The following LRRC49 variants were observed in gnomAD, a reference collection of about 807,000 sequenced individuals.
LRRC49 encodes the protein leucine rich repeat containing 49, also known as leucine-rich repeat-containing protein 49.
A neutral mutation model predicts 83.3 loss-of-function variants in LRRC49; 50 were observed. The observed-to-expected ratio is 0.60, with a 90% CI of 0.48 to 0.76. LRRC49 has a LOEUF of 0.76. LRRC49 is among the 30% of genes least tolerant of loss of function. LRRC49 has a pLI of 0.00. For missense variants in LRRC49, 704 were observed against 809.1 expected, an observed-to-expected ratio of 0.87 and a Z score of 1.58; for synonymous variants, 286 against 283.3, an observed-to-expected ratio of 1.01 and a Z score of -0.10.
intron 1 of LRRC49, among the ~76,000 whole-genome samples, chr15:70,857,015 G>A (rs1414069998): frequency 1.3e-5 from 2 of 152,168 alleles, no homozygotes; most frequent in Non-Finnish European, 2.9e-5. Flanking sequence ...GAGATGATTA[G>A]CAAAGCCTCT....
intron 15 of LRRC49, among the ~76,000 whole-genome samples, chr15:71,039,331 G>T (rs994430980): frequency 3.3e-5 from 5 of 152,138 alleles, no homozygotes; most frequent in African/African-American, 9.7e-5. Flanking sequence ...GTTGCCAAAA[G>T]AAGAAAATGA....
At chr15:71,038,682 G>A (rs539030218) in intron 15 of LRRC49, among the ~76,000 whole-genome samples, 5 of 152,178 alleles carry the variant, frequency 3.3e-5, no homozygotes, top group African/African-American at 1.2e-4. Context: ...AACTCTAAAC[G>A]TGAAGAAATT....
intron 11 of LRRC49, among the ~76,000 whole-genome samples, chr15:71,007,180 A>G (rs145020682): frequency 6.6e-6 from 1 of 152,156 alleles, no homozygotes; most frequent in East Asian, 1.9e-4. Flanking sequence ...TGAAATAAGT[A>G]TGATAAACAA....
intron 9 of LRRC49, among the ~76,000 whole-genome samples, chr15:70,969,675 TCTC>T (rs1316235700): frequency 1.3e-5 from 2 of 152,140 alleles, no homozygotes; most frequent in Non-Finnish European, 2.9e-5. Context: ...GGTTTTTAGT[TCTC>T]CTTGAAGAGG....
chr15:70,873,209 G>C (rs1228888806), exon 2 of LRRC49: 1 of 1,535,860 alleles, frequency 6.5e-7, no homozygotes, highest in Admixed American at 2.0e-5. Flanking sequence ...TTTAAAGATG[G>C]ATTGCCAAGC....
chr15:70,921,386 A>C (rs1415342016), intron 7 of LRRC49, among the ~76,000 whole-genome samples: 1 of 152,172 alleles, frequency 6.6e-6, no homozygotes, highest in African/African-American at 2.4e-5. Flanking sequence ...TGTTTGGAGA[A>C]CAGTTCCTTA....
intron 6 of LRRC49, among the ~76,000 whole-genome samples, chr15:70,912,400 A>G (rs1466951723): frequency 6.6e-6 from 1 of 152,146 alleles, no homozygotes; most frequent in Non-Finnish European, 1.5e-5. Context: ...GGCTATTTAA[A>G]TGTTTAACTT....
chr15:71,027,264 G>A (rs1280169502), intron 14 of LRRC49, among the ~76,000 whole-genome samples: 1 of 151,990 alleles, frequency 6.6e-6, no homozygotes, highest in Non-Finnish European at 1.5e-5. Flanking sequence ...GATGTGTGGT[G>A]TAATTTCTGA....
chr15:71,004,660 AAAAG>A lies in LRRC49; in HGVS notation c.1170-3709_1170-3706del, dbSNP rs568911047. Among the ~76,000 whole-genome samples the A allele has an allele frequency of 3.0e-3, 451 of 152,088 alleles. 3 individuals carry two copies. The highest frequency in any genetic ancestry group is 9.9e-3 in the African/African-American group (410 of 41,466). On this transcript the variant is annotated intron_variant, in intron 11 of 15. Coordinates refer to ENST00000260382, the MANE Select transcript of LRRC49 (RefSeq NM_017691.5). The stretch of plus-strand genomic sequence containing the variant: ...GTGAAACTGTGTTAAAAAAAAAAAA[AAAAG>A]AAAGAAAGAGAGAAAATGTGGTACA...
intron 14 of LRRC49, among the ~76,000 whole-genome samples, chr15:71,036,502 T>C (rs911684606): frequency 6.6e-6 from 1 of 152,158 alleles, no homozygotes; most frequent in Non-Finnish European, 1.5e-5. Flanking sequence ...GTAGTATCAT[T>C]TTGAGACACC....
chr15:70,913,449 G>C (rs2141124879), intron 6 of LRRC49, among the ~76,000 whole-genome samples: 1 of 152,280 alleles, frequency 6.6e-6, no homozygotes, highest in South Asian at 2.1e-4. Flanking sequence ...GTTAGTTACT[G>C]TCTGTCCAAC....
chr15:71,010,221 A>G (rs2038605157), intron 13 of LRRC49, among the ~76,000 whole-genome samples: 1 of 152,052 alleles, frequency 6.6e-6, no homozygotes, highest in Non-Finnish European at 1.5e-5. Context: ...TAAATGGCAA[A>G]TACTTATACT....
At chr15:71,003,496 A>AC (rs2141254588) in intron 11 of LRRC49, among the ~76,000 whole-genome samples, 1 of 152,274 alleles carries the variant, frequency 6.6e-6, no homozygotes, top group African/African-American at 2.4e-5. Flanking sequence ...GGGTCAGATG[A>AC]CCAGTTACCC....
chr15:71,026,097 G>A (rs2039161217), intron 14 of LRRC49, among the ~76,000 whole-genome samples: 1 of 151,478 alleles, frequency 6.6e-6, no homozygotes, highest in African/African-American at 2.4e-5. Context: ...GCCCTGTTGT[G>A]TGATGTTCCC....
At chr15:71,049,340 C>CAA in intron 15 of LRRC49, 69 bp from the exon 16 acceptor site, 1 of 972,816 alleles carries the variant, frequency 1.0e-6, no homozygotes, top group Non-Finnish European at 1.6e-6. Context: ...TTCTGTGGTT[C>CAA]AGCTAATTGT....
intron 1 of LRRC49, chr15:70,859,862 T>C: frequency 2.6e-6 from 2 of 768,996 alleles, no homozygotes; most frequent in Non-Finnish European, 2.4e-6. Context: ...CAAGCTGGCC[T>C]TGGGCATCAA....
At chr15:71,028,202 T>G (rs2039235924) in intron 14 of LRRC49, among the ~76,000 whole-genome samples, 1 of 152,196 alleles carries the variant, frequency 6.6e-6, no homozygotes, top group Non-Finnish European at 1.5e-5. Flanking sequence ...GTTGAGATAA[T>G]CATATGGTTT....
At chr15:70,942,810 G>C (rs957536795) in intron 8 of LRRC49, among the ~76,000 whole-genome samples, 2 of 152,076 alleles carry the variant, frequency 1.3e-5, no homozygotes, top group South Asian at 2.1e-4. Flanking sequence ...AACTCGAAGT[G>C]GGGGGAGAAA....
chr15:70,912,205 G>C (rs1596010868), intron 6 of LRRC49, among the ~76,000 whole-genome samples: 2 of 152,028 alleles, frequency 1.3e-5, no homozygotes, highest in East Asian at 3.9e-4. Context: ...AAAACTTTTT[G>C]CTCCAGTTTC....
Sources: allele counts gnomAD v4.1 joint callset (sites outside exome capture counted in the v4.1 genomes callset), GRCh38; gene constraint gnomAD v4.1.1; transcripts MANE v1.5; gene names NCBI Gene and HGNC (gene_info 2026-07-23, HGNC 2026-07-21).